CTNNA3: variants seen among roughly 807,000 people sequenced by gnomAD.
CTNNA3 encodes the protein catenin alpha-3.
CTNNA3 carries 76 observed loss-of-function variants against 95.7 expected under a neutral mutation model. That is an observed-to-expected ratio of 0.79 (90% CI 0.66 to 0.96). The LOEUF (loss-of-function observed/expected upper bound fraction) is 0.96, where lower values mean the gene tolerates loss of function less well. Among genes scored for constraint, CTNNA3 ranks in the 40% least tolerant of loss-of-function variants. The pLI is 0.00. For missense variants in CTNNA3, 1,191 were observed against 1,089.8 expected (o/e 1.09, Z -1.31); for synonymous variants, 431 against 374.4 (o/e 1.15, Z -1.74).
chr10:67,591,310 T>A (rs757965126), intron 3 of CTNNA3, among the ~76,000 whole-genome samples: 2 of 151,864 alleles, frequency 1.3e-5, no homozygotes, highest in Non-Finnish European at 2.9e-5. Flanking sequence ...ATATCCAGCA[T>A]CCAATAAAAA....
chr10:66,721,522 G>A (rs1376888382), intron 9 of CTNNA3, among the ~76,000 whole-genome samples: 2 of 152,164 alleles, frequency 1.3e-5, no homozygotes, highest in Non-Finnish European at 2.9e-5. Context: ...GTGTTCTAAA[G>A]AAGGACCATG....
intron 4 of CTNNA3, among the ~76,000 whole-genome samples, chr10:67,530,541 T>A (rs1346547174): frequency 6.6e-6 from 1 of 152,194 alleles, no homozygotes; most frequent in Non-Finnish European, 1.5e-5. Flanking sequence ...TTAAGGAACT[T>A]CTAAGCAGCA....
At chr10:67,144,473 T>C (rs1352427641) in intron 7 of CTNNA3, among the ~76,000 whole-genome samples, 1 of 152,244 alleles carries the variant, frequency 6.6e-6, no homozygotes, top group Non-Finnish European at 1.5e-5. Context: ...TTTATCTACA[T>C]TGAAAATCTG....
chr10:65,920,282 G>C lies in CTNNA3; in HGVS notation c.*48C>G. The stretch of plus-strand genomic sequence containing the variant: ...TCTTAAGTGTAAAATAAAGCAGTGT[G>C]GTTAGGCAGGATTTTGTCATATAGG... On this transcript the variant is annotated 3_prime_UTR_variant, in exon 18 of 18. Transcript: ENST00000433211. 1.4e-6 allele frequency: 2 copies of C among 1,480,296 alleles called. No individual in the cohort carries two copies. Among genetic ancestry groups the C allele is most frequent in the Non-Finnish European group, 1.9e-6 (2 of 1,076,568 alleles). The allele number at this position is 1,480,296 out of a possible 1,614,324, so 91.7% of individuals were successfully genotyped here. A position where few individuals can be genotyped will look rare whatever the true frequency, so the allele number is the denominator to read the frequency against.
chr10:66,090,135 T>C lies in CTNNA3; in HGVS notation c.1977+13022A>G, dbSNP rs1389004629. Among the ~76,000 whole-genome samples the C allele has an allele frequency of 2.6e-5, 4 of 151,980 alleles. No homozygotes were observed. The East Asian group carries it at 5.8e-4, about 22-fold the overall frequency. Reference sequence around the variant, plus strand: ...TTTCTTCTGAGCTGCAGTTTGAAACTGGACCAGGGTAGGCATGTGGCTCAA... The same window carrying C: ...TTTCTTCTGAGCTGCAGTTTGAAACCGGACCAGGGTAGGCATGTGGCTCAA... On this transcript the variant is annotated intron_variant, in intron 14 of 17. Transcript: ENST00000433211.
At chr10:67,564,686 T>TAA (rs1841688205) in intron 3 of CTNNA3, among the ~76,000 whole-genome samples, 3 of 69,452 alleles carry the variant, frequency 4.3e-5, no homozygotes, top group Non-Finnish European at 7.7e-5. Flanking sequence ...TGTATATATA[T>TAA]ATATATATAT....
chr10:65,980,159 C>T lies in CTNNA3; in HGVS notation c.2265+8533G>A, dbSNP rs574782649. Among the ~76,000 whole-genome samples, 132 of 152,032 alleles carry T rather than the reference C, an allele frequency of 8.7e-4. 2 individuals carry two copies. Among genetic ancestry groups the T allele is most frequent in the Admixed American group, 1.6e-3 (25 of 15,220 alleles). Reference sequence around the variant, plus strand: ...ATGGGAGATATTACTACTGATACCACAGAAATACAAAAGATTATTCAAGGC... The same window carrying T: ...ATGGGAGATATTACTACTGATACCATAGAAATACAAAAGATTATTCAAGGC... On this transcript the variant is annotated intron_variant, in intron 16 of 17. Coordinates refer to ENST00000433211, the MANE Select transcript of CTNNA3 (RefSeq NM_013266.4).
chr10:66,155,793 T>C (rs1202602617), intron 13 of CTNNA3, among the ~76,000 whole-genome samples: 2 of 151,730 alleles, frequency 1.3e-5, no homozygotes, highest in African/African-American at 4.8e-5. Context: ...TTAGGGCAAA[T>C]AAAAAGTTGA....
intron 9 of CTNNA3, among the ~76,000 whole-genome samples, chr10:66,744,859 G>A (rs1003428126): frequency 6.6e-6 from 1 of 152,104 alleles, no homozygotes; most frequent in South Asian, 2.1e-4. Flanking sequence ...GAGTTCTAGG[G>A]TTTTTATGTT....
At chr10:67,174,173 TAAAA>T (rs1352819719) in intron 7 of CTNNA3, among the ~76,000 whole-genome samples, 1 of 152,166 alleles carries the variant, frequency 6.6e-6, no homozygotes, top group Non-Finnish European at 1.5e-5. Flanking sequence ...TCCCTTTTAT[TAAAA>T]AAGATAAAAA....
rs1456562730 is a variant in CTNNA3 at position 66,619,119 on chromosome 10, T to C, written c.1374+2573A>G. On this transcript the variant is annotated intron_variant, in intron 10 of 17. Transcript: ENST00000433211. The stretch of plus-strand genomic sequence containing the variant: ...CACTTTTACACTGTTGGTGGGACTG[T>C]AAACTAGTTCAACCATTGTGGAAGT... Among the ~76,000 whole-genome samples, 838 of 151,280 alleles carry C rather than the reference T, an allele frequency of 5.5e-3. 4 individuals carry two copies. The highest frequency in any genetic ancestry group is 9.5e-3 in the Non-Finnish European group (640 of 67,692).
intron 1 of CTNNA3, among the ~76,000 whole-genome samples, chr10:67,717,359 T>G (rs1841150074): frequency 6.6e-6 from 1 of 152,214 alleles, no homozygotes; most frequent in South Asian, 2.1e-4. Flanking sequence ...CTGTTGCCAT[T>G]GCTTTTGGAG....
intron 7 of CTNNA3, among the ~76,000 whole-genome samples, chr10:66,900,771 G>A (rs1845708308): frequency 6.6e-6 from 1 of 152,084 alleles, no homozygotes; most frequent in African/African-American, 2.4e-5. Flanking sequence ...TGGAAGAAGG[G>A]ATATCAGTGA....
chr10:67,716,223 G>A (rs747453814), intron 1 of CTNNA3, among the ~76,000 whole-genome samples: 3 of 152,018 alleles, frequency 2.0e-5, no homozygotes, highest in Non-Finnish European at 4.4e-5. Flanking sequence ...GAGATTTTCA[G>A]GTATCCCTAA....
intron 9 of CTNNA3, among the ~76,000 whole-genome samples, chr10:66,689,142 T>C (rs894008229): frequency 1.3e-4 from 20 of 152,026 alleles, no homozygotes; most frequent in African/African-American, 4.6e-4. Context: ...CCATTAATCA[T>C]CCAAAATTAG....
chr10:66,133,999 T>C (rs1390566268), intron 13 of CTNNA3, among the ~76,000 whole-genome samples: 1 of 152,082 alleles, frequency 6.6e-6, no homozygotes, highest in African/African-American at 2.4e-5. Context: ...TGCAATGCAA[T>C]GAAATAAAAG....
In CTNNA3 at chr10:67,025,230, T is replaced by G. The variant is rs138655640; in HGVS notation, c.1047+155087A>C. 5.6e-3 allele frequency among the ~76,000 whole-genome samples: 856 copies of G among 151,676 alleles called. 7 individuals carry two copies. Among genetic ancestry groups the G allele is most frequent in the African/African-American group, 0.02 (814 of 41,340 alleles). ...TTCAGTATCACCCACCAATTGGCAC[T>G]GAAAGTAATTACCAAAGACTCATTC... is the stretch of plus-strand genomic sequence containing the variant. On this transcript the variant is annotated intron_variant, in intron 7 of 17. Transcript: ENST00000433211.
chr10:66,488,223 A>G (rs1228818389), intron 11 of CTNNA3, among the ~76,000 whole-genome samples: 1 of 152,222 alleles, frequency 6.6e-6, no homozygotes, highest in Non-Finnish European at 1.5e-5. Flanking sequence ...ATCACTTGAA[A>G]TAACTATAGC....
intron 1 of CTNNA3, among the ~76,000 whole-genome samples, chr10:67,726,519 T>TATTATATAA (rs1482360736): frequency 1.5e-5 from 1 of 68,074 alleles, no homozygotes; most frequent in African/African-American, 6.3e-5. Context: ...ATATATTATA[T>TATTATATAA]TATATTATAT....
Sources: gnomAD v4.1 joint callset for allele counts (sites outside exome capture counted in the v4.1 genomes callset) on GRCh38, gnomAD v4.1.1 for gene constraint, MANE v1.5 for transcripts, NCBI Gene and HGNC (gene_info 2026-07-23, HGNC 2026-07-21) for gene names.